IMMP2L: variants seen among roughly 807,000 people sequenced by gnomAD.
The protein encoded by IMMP2L is mitochondrial inner membrane protease subunit 2.
Under a neutral mutation model 19.3 loss-of-function variants are expected in IMMP2L, and 18 were observed. The ratio of observed to expected loss-of-function variants is 0.93; its 90% CI spans 0.64 to 1.38. The LOEUF is 1.38. Among genes scored for constraint, IMMP2L ranks in the 40% most tolerant of loss-of-function variants. The pLI is 0.00. For synonymous variants in IMMP2L, 76 were observed against 73.0 expected (o/e 1.04, Z -0.21); for missense variants, 233 against 218.2 (o/e 1.07, Z -0.43).
intron 1 of IMMP2L, among the ~76,000 whole-genome samples, chr7:111,555,925 A>G (rs1226292808): frequency 6.6e-6 from 1 of 150,544 alleles, no homozygotes; most frequent in Non-Finnish European, 1.5e-5. Flanking sequence ...TACAACCATT[A>G]TGGAAAAAGT....
intron 3 of IMMP2L, among the ~76,000 whole-genome samples, chr7:111,166,461 T>C (rs1467501597): frequency 6.6e-6 from 1 of 151,990 alleles, no homozygotes; most frequent in Non-Finnish European, 1.5e-5. Flanking sequence ...GAAGCAAATA[T>C]ACTTTAACAA....
At chr7:110,932,075 G>C (rs1205307435) in intron 4 of IMMP2L, among the ~76,000 whole-genome samples, 1 of 152,066 alleles carries the variant, frequency 6.6e-6, no homozygotes, top group Admixed American at 6.6e-5. Context: ...ATTTTCTTCA[G>C]AGTACTTGCC....
chr7:111,289,806 A>G (rs1820891579), intron 3 of IMMP2L, among the ~76,000 whole-genome samples: 1 of 151,800 alleles, frequency 6.6e-6, no homozygotes, highest in South Asian at 2.1e-4. Flanking sequence ...CAGCCTCAGT[A>G]TACCTACTGT....
chr7:111,425,154 C>A (rs1322251897), intron 3 of IMMP2L, among the ~76,000 whole-genome samples: 1 of 151,690 alleles, frequency 6.6e-6, no homozygotes. Context: ...TTCACATAAA[C>A]ACTTACATAC....
intron 3 of IMMP2L, among the ~76,000 whole-genome samples, chr7:111,042,040 G>T (rs1563186552): frequency 1.3e-5 from 2 of 152,102 alleles, no homozygotes; most frequent in African/African-American, 4.8e-5. Flanking sequence ...CATATAATAA[G>T]TATTACATAG....
chr7:110,829,272 T>G (rs1803759307), intron 5 of IMMP2L, among the ~76,000 whole-genome samples: 1 of 152,160 alleles, frequency 6.6e-6, no homozygotes, highest in Admixed American at 6.6e-5. Flanking sequence ...CATCACCAAA[T>G]ATTTTATAGA....
chr7:110,816,455 GGA>G (rs200134642), intron 5 of IMMP2L, among the ~76,000 whole-genome samples: 23,196 of 151,778 alleles, frequency 0.15, 2,069 homozygotes, highest in Non-Finnish European at 0.21. Flanking sequence ...GATTTGGGGT[GGA>G]GAGTTCTGTA....
At chr7:110,881,830 A>T (rs780156991) in intron 5 of IMMP2L, among the ~76,000 whole-genome samples, 2 of 152,214 alleles carry the variant, frequency 1.3e-5, no homozygotes, top group Non-Finnish European at 2.9e-5. Context: ...CACTTCATTC[A>T]CAAAACATAC....
chr7:110,853,694 A>G, intron 5 of IMMP2L, among the ~76,000 whole-genome samples: 1 of 152,074 alleles, frequency 6.6e-6, no homozygotes, highest in East Asian at 1.9e-4. Context: ...TCTCTCTAGA[A>G]GCACCTGGTG....
intron 3 of IMMP2L, among the ~76,000 whole-genome samples, chr7:111,065,900 A>ATG (rs71151828): frequency 0.91 from 137,401 of 150,678 alleles, 63,192 homozygotes; most frequent in East Asian, 0.98. Context: ...CCCTAATACA[A>ATG]TGTGTGTGTG....
At chr7:111,271,754 A>G (rs368870300) in intron 3 of IMMP2L, among the ~76,000 whole-genome samples, 1 of 152,158 alleles carries the variant, frequency 6.6e-6, no homozygotes, top group Admixed American at 6.6e-5. Context: ...GACCATCTGG[A>G]TATCTTGGAG....
chr7:111,137,559 A>G (rs968630877), intron 3 of IMMP2L, among the ~76,000 whole-genome samples: 5 of 152,202 alleles, frequency 3.3e-5, no homozygotes, highest in African/African-American at 1.2e-4. Flanking sequence ...CAAGCTTGAT[A>G]AGCCAAGAAG....
intron 4 of IMMP2L, among the ~76,000 whole-genome samples, chr7:110,915,815 A>T (rs1813549415): frequency 6.6e-6 from 1 of 152,206 alleles, no homozygotes; most frequent in Admixed American, 6.5e-5. Context: ...AAAGAGAGAA[A>T]AGAAAACTGT....
chr7:111,053,412 C>T (rs1793195825), intron 3 of IMMP2L, among the ~76,000 whole-genome samples: 1 of 152,144 alleles, frequency 6.6e-6, no homozygotes, highest in African/African-American at 2.4e-5. Flanking sequence ...CCTAGGTGGT[C>T]ATATACCAGT....
intron 3 of IMMP2L, among the ~76,000 whole-genome samples, chr7:111,216,654 C>T (rs1374902286): frequency 6.6e-6 from 1 of 152,080 alleles, no homozygotes; most frequent in East Asian, 1.9e-4. Flanking sequence ...CTCCTGTCTA[C>T]CTGAATTTTG....
chr7:111,119,537 G>C (rs575299595), intron 3 of IMMP2L, among the ~76,000 whole-genome samples: 92 of 152,198 alleles, frequency 6.0e-4, no homozygotes, highest in Non-Finnish European at 1.2e-3. Flanking sequence ...CTTTGTATTA[G>C]CCTGAATTTT....
At chr7:111,183,319 T>C (rs1030377983) in intron 3 of IMMP2L, among the ~76,000 whole-genome samples, 3 of 152,150 alleles carry the variant, frequency 2.0e-5, no homozygotes, top group Non-Finnish European at 2.9e-5. Flanking sequence ...ATATTAGTCA[T>C]ATATTCAACT....
At chr7:111,445,747 C>A (rs1249942655) in intron 3 of IMMP2L, among the ~76,000 whole-genome samples, 1 of 150,940 alleles carries the variant, frequency 6.6e-6, no homozygotes, top group Non-Finnish European at 1.5e-5. Context: ...CAGCTCCCAG[C>A]GTGAGTGACG....
At position 111,110,092 on chromosome 7, in the gene IMMP2L, G is replaced by A. The variant is rs1435292942; in HGVS notation, c.240-146527C>T. Among the ~76,000 whole-genome samples the A allele has an allele frequency of 4.6e-5, 7 of 152,070 alleles. No individual in the cohort carries two copies. In the South Asian group the frequency reaches 6.2e-4, roughly 14 times the overall value. On this transcript the variant is annotated intron_variant, in intron 3 of 5. Transcript: ENST00000405709. ...GGAGGTTGCAGTAAGCTGAGATCAC[G>A]CCACTGCACTCCAGCCTAGGCAACA... is the stretch of plus-strand genomic sequence containing the variant.
Sources: allele counts gnomAD v4.1 joint callset (sites outside exome capture counted in the v4.1 genomes callset), GRCh38; gene constraint gnomAD v4.1.1; transcripts MANE v1.5; gene names NCBI Gene and HGNC (gene_info 2026-07-23, HGNC 2026-07-21).